NCKAP5: variants seen among roughly 807,000 people sequenced by gnomAD.
NCKAP5 encodes nck-associated protein 5.
NCKAP5 carries 92 observed loss-of-function variants against 167.0 expected under a neutral mutation model. The observed-to-expected ratio is 0.55, with a 90% confidence interval of 0.47 to 0.66. The LOEUF (loss-of-function observed/expected upper bound fraction) is 0.66, where lower values mean the gene tolerates loss of function less well. Ranked by LOEUF, NCKAP5 falls within the 30% of genes least tolerant of loss-of-function variation. NCKAP5 has a pLI of 0.00. For synonymous variants in NCKAP5, 891 were observed against 877.4 expected (o/e 1.02, Z -0.27); for missense variants, 2,378 against 2,315.0 (o/e 1.03, Z -0.56).
intron 3 of NCKAP5, among the ~76,000 whole-genome samples, chr2:133,375,256 C>T (rs1686065190): frequency 6.6e-6 from 1 of 152,114 alleles, no homozygotes; most frequent in South Asian, 2.1e-4. Flanking sequence ...TCTTATGTTC[C>T]AAGAAAATTA....
At chr2:132,790,227 G>A in intron 12 of NCKAP5, 22 bp from the exon 13 acceptor site, 4 of 1,600,944 alleles carry the variant, frequency 2.5e-6, no homozygotes, top group Non-Finnish European at 3.4e-6. Flanking sequence ...GGACAGCTCT[G>A]AGCAAGGGCT....
intron 19 of NCKAP5, among the ~76,000 whole-genome samples, chr2:132,680,478 G>C (rs1685080388): frequency 2.0e-5 from 3 of 152,148 alleles, no homozygotes; most frequent in Non-Finnish European, 4.4e-5. Context: ...CCTAAACCCA[G>C]AGGGGGGAAA....
chr2:133,384,092 T>C (rs1686742177), intron 3 of NCKAP5, among the ~76,000 whole-genome samples: 1 of 152,234 alleles, frequency 6.6e-6, no homozygotes, highest in African/African-American at 2.4e-5. Context: ...TGACTTTTGT[T>C]GCCATTGCTT....
intron 6 of NCKAP5, among the ~76,000 whole-genome samples, chr2:133,014,778 T>A (rs1292400669): frequency 6.6e-6 from 1 of 152,220 alleles, no homozygotes; most frequent in African/African-American, 2.4e-5. Flanking sequence ...TTATAGAGAC[T>A]ACTGCTTGAA....
At chr2:133,045,409 G>C (rs1158866567) in intron 6 of NCKAP5, among the ~76,000 whole-genome samples, 1 of 151,898 alleles carries the variant, frequency 6.6e-6, no homozygotes, top group Non-Finnish European at 1.5e-5. Flanking sequence ...AATTAAGAGA[G>C]ACTGAATTTA....
At chr2:133,213,811 C>A in intron 4 of NCKAP5, 32 bp from the exon 5 acceptor site, 1 of 1,610,118 alleles carries the variant, frequency 6.2e-7, no homozygotes. Flanking sequence ...ATTAGTTGAC[C>A]ATTCTCAGGG....
At chr2:133,526,247 AG>A (rs1684897518) in intron 2 of NCKAP5, among the ~76,000 whole-genome samples, 5 of 24,030 alleles carry the variant, frequency 2.1e-4, no homozygotes, top group South Asian at 1.6e-3. Flanking sequence ...GAGGGAGGGA[AG>A]GAGGGAGGGA....
chr2:133,279,294 A>G (rs904798969), intron 4 of NCKAP5, among the ~76,000 whole-genome samples: 3 of 152,158 alleles, frequency 2.0e-5, no homozygotes, highest in African/African-American at 7.2e-5. Context: ...TTGTATCCCT[A>G]TTTTATGGCT....
chr2:132,699,365 A>G (rs2105223792), intron 19 of NCKAP5, among the ~76,000 whole-genome samples: 1 of 152,256 alleles, frequency 6.6e-6, no homozygotes, highest in African/African-American at 2.4e-5. Flanking sequence ...GTTCTAGGGT[A>G]CATGTGCACA....
intron 3 of NCKAP5, among the ~76,000 whole-genome samples, chr2:133,306,697 T>C (rs540454333): frequency 5.4e-4 from 83 of 152,320 alleles, no homozygotes; most frequent in Non-Finnish European, 1.0e-3. Context: ...TGCTGTCCTG[T>C]GATTCTTATT....
chr2:133,600,444 C>G, the NCKAP5 span, among the ~76,000 whole-genome samples: 20 of 152,258 alleles, frequency 1.3e-4, no homozygotes, highest in African/African-American at 4.3e-4. Flanking sequence ...CACACAAAAC[C>G]CTTTTTGTTC....
rs1272728741 is a variant in NCKAP5 at position 132,783,768 on chromosome 2, C to T, written c.3043G>A (p.Val1015Ile). 6.3e-7 allele frequency: 1 copy of T among 1,586,134 alleles called. No homozygotes were observed. The highest frequency in any genetic ancestry group is 1.4e-5 in the African/African-American group (1 of 73,924). The change falls in exon 14 of 20, where the codon GTC becomes ATC. Residue 1015 changes from valine (V) to isoleucine (I), a missense_variant. By Grantham distance (29) the Val-to-Ile change is conservative. This residue lies in a region of NCKAP5 where 1,325 missense variants were observed against 1,274.5 expected (regional missense o/e 1.04). Coordinates refer to ENST00000409261, the MANE Select transcript of NCKAP5 (RefSeq NM_207363.3). ...TGAGCAGGGCATCGGGTTTGAATGA[C>T]TGCTTCTGGGGAGGGCATAGGGTGA... Reference protein sequence around the residue: ...FTHPMPSPEAVIQTRCPAHAP... With the variant: ...FTHPMPSPEAIIQTRCPAHAP...
At chr2:132,767,208 A>G (rs1341797139) in intron 16 of NCKAP5, among the ~76,000 whole-genome samples, 3 of 152,118 alleles carry the variant, frequency 2.0e-5, no homozygotes, top group African/African-American at 7.2e-5. Context: ...CAAGTGTCCC[A>G]AACTTATAGA....
At chr2:133,170,546 C>T (rs1194563848) in intron 5 of NCKAP5, among the ~76,000 whole-genome samples, 1 of 152,218 alleles carries the variant, frequency 6.6e-6, no homozygotes, top group Non-Finnish European at 1.5e-5. Flanking sequence ...ATCATCTCTA[C>T]CTCTGTGCCT....
chr2:132,995,378 C>T (rs756257941), intron 6 of NCKAP5, among the ~76,000 whole-genome samples: 1 of 151,962 alleles, frequency 6.6e-6, no homozygotes, highest in African/African-American at 2.4e-5. Context: ...TGGCTGGGCA[C>T]GGTGGCTCAT....
In NCKAP5 at chr2:133,187,326, A is replaced by C. The variant is rs560242847; in HGVS notation, c.207+26390T>G. ...GTGTTCTGAGAGTGAGCCTGATGCA[A>C]TATAGATTTTTAAAAATTTATTGAT... On this transcript the variant is annotated intron_variant, in intron 5 of 19. Coordinates refer to ENST00000409261, the MANE Select transcript of NCKAP5 (RefSeq NM_207363.3). Among the ~76,000 whole-genome samples the C allele has an allele frequency of 4.6e-5, 7 of 152,166 alleles. No homozygotes were observed. The East Asian group carries it at 1.4e-3, about 29-fold the overall frequency.
intron 16 of NCKAP5, among the ~76,000 whole-genome samples, chr2:132,738,922 C>G (rs1368673091): frequency 6.6e-6 from 1 of 152,090 alleles, no homozygotes; most frequent in Non-Finnish European, 1.5e-5. Context: ...CTCCCATGAC[C>G]CAAACACCCC....
intron 3 of NCKAP5, among the ~76,000 whole-genome samples, chr2:133,330,641 G>C (rs1459802824): frequency 6.6e-6 from 1 of 152,072 alleles, no homozygotes; most frequent in Non-Finnish European, 1.5e-5. Flanking sequence ...TATCACCCAA[G>C]GCTTTGGGAG....
At chr2:133,206,403 T>C (rs1269018482) in intron 5 of NCKAP5, among the ~76,000 whole-genome samples, 1 of 152,154 alleles carries the variant, frequency 6.6e-6, no homozygotes, top group Non-Finnish European at 1.5e-5. Flanking sequence ...CTTATGCCTG[T>C]CTTTACTGCA....
Sources: gnomAD v4.1 joint callset for allele counts (sites outside exome capture counted in the v4.1 genomes callset) on GRCh38, gnomAD v4.1.1 for gene constraint, gnomAD v4.1.1 regional missense constraint, MANE v1.5 for transcripts, NCBI Gene and HGNC (gene_info 2026-07-23, HGNC 2026-07-21) for gene names.